The following ARHGEF28 variants were observed in gnomAD, a reference collection of about 807,000 sequenced individuals.
ARHGEF28 encodes Rho guanine nucleotide exchange factor 28.
ARHGEF28 carries 152 observed loss-of-function variants against 206.6 expected under a neutral mutation model. The ratio of observed to expected loss-of-function variants is 0.74; its 90% CI spans 0.64 to 0.84. The LOEUF is 0.84. Ranked by LOEUF, ARHGEF28 falls within the 40% of genes least tolerant of loss-of-function variation. The pLI is 0.00. For missense variants in ARHGEF28, 2,028 were observed against 2,073.2 expected (o/e 0.98, Z 0.42); for synonymous variants, 763 against 776.4 (o/e 0.98, Z 0.29).
chr5:73,893,171 T>A (rs907968062), intron 27 of ARHGEF28, 26 bp from the exon 28 acceptor site: 4 of 1,513,698 alleles, frequency 2.6e-6, no homozygotes, highest in Non-Finnish European at 1.8e-6. Context: ...GTTTCAGTTG[T>A]GTCTCTTGAC....
chr5:73,930,175 A>C (rs1764028706), intron 35 of ARHGEF28, among the ~76,000 whole-genome samples: 1 of 152,178 alleles, frequency 6.6e-6, no homozygotes, highest in Non-Finnish European at 1.5e-5. Flanking sequence ...GCCAGCGATG[A>C]TTGATTTTGC....
At chr5:73,820,992 C>G (rs1292809029) in intron 9 of ARHGEF28, among the ~76,000 whole-genome samples, 3 of 152,154 alleles carry the variant, frequency 2.0e-5, no homozygotes, top group Non-Finnish European at 2.9e-5. Context: ...TAGCCCATAG[C>G]TTATTTCACA....
intron 2 of ARHGEF28, among the ~76,000 whole-genome samples, chr5:73,737,272 C>T (rs573969782): frequency 9.2e-5 from 14 of 151,910 alleles, no homozygotes; most frequent in Non-Finnish European, 1.8e-4. Flanking sequence ...CTTTCTCTCT[C>T]CTGCTCATTT....
At chr5:73,836,138 G>A (rs75728190) in intron 10 of ARHGEF28, among the ~76,000 whole-genome samples, 2,911 of 152,186 alleles carry the variant, frequency 0.019, 99 homozygotes, top group African/African-American at 0.067. Context: ...TTGGGATAGT[G>A]ATTCTGTTTC....
intron 7 of ARHGEF28, among the ~76,000 whole-genome samples, chr5:73,784,607 G>T (rs1020431874): frequency 1.2e-4 from 19 of 152,216 alleles, no homozygotes; most frequent in Middle Eastern, 3.4e-3. Flanking sequence ...GAAAAATAAG[G>T]ATTCTTTGGC....
intron 14 of ARHGEF28, among the ~76,000 whole-genome samples, 162 bp downstream of exon 14, chr5:73,852,854 C>A (rs577424237): frequency 9.2e-5 from 14 of 152,328 alleles, no homozygotes; most frequent in Admixed American, 5.9e-4. Context: ...CAGGATAGAT[C>A]TGCCAGCCCT....
intron 35 of ARHGEF28, among the ~76,000 whole-genome samples, chr5:73,916,250 T>C (rs1438191435): frequency 2.0e-5 from 3 of 152,224 alleles, no homozygotes; most frequent in Non-Finnish European, 2.9e-5. Context: ...CTTACTTGTG[T>C]AATCTATATG....
chr5:73,711,914 T>C (rs1184150971), intron 2 of ARHGEF28, among the ~76,000 whole-genome samples: 5 of 152,032 alleles, frequency 3.3e-5, no homozygotes, highest in African/African-American at 1.2e-4. Context: ...CACTGTTAAG[T>C]ATTAGTTCTA....
chr5:73,940,401 GACC>G (rs1418080655), intron 35 of ARHGEF28, among the ~76,000 whole-genome samples: 6 of 152,094 alleles, frequency 3.9e-5, no homozygotes, highest in African/African-American at 1.2e-4. Flanking sequence ...CCCACCCCTT[GACC>G]ACATCAGTAA....
At chr5:73,741,043 C>A (rs1421173057) in intron 2 of ARHGEF28, among the ~76,000 whole-genome samples, 1 of 151,860 alleles carries the variant, frequency 6.6e-6, no homozygotes. Context: ...TTTCTTATAC[C>A]CAAGCCAGTA....
intron 11 of ARHGEF28, among the ~76,000 whole-genome samples, chr5:73,841,894 GTTTGT>G (rs1404682245): frequency 2.0e-5 from 3 of 151,864 alleles, no homozygotes; most frequent in African/African-American, 7.3e-5. Context: ...GCTCATGAGT[GTTTGT>G]TTTATTTAAC....
chr5:73,780,964 CT>C (rs1662998984), intron 7 of ARHGEF28, among the ~76,000 whole-genome samples: 7 of 152,152 alleles, frequency 4.6e-5, no homozygotes, highest in Admixed American at 4.6e-4. Context: ...GTCCTGAGTG[CT>C]GTTTGCCGGG....
Position 73,909,775 on chromosome 5 carries a change from G to A in ARHGEF28, c.4525G>A (p.Glu1509Lys). The A allele has an allele frequency of 2.0e-6, 3 of 1,515,032 alleles. No homozygotes were observed. The highest frequency in any genetic ancestry group is 2.2e-4 in the Middle Eastern group (1 of 4,540). 93.8% of individuals were successfully genotyped at this position (1,515,032 alleles called of 1,614,324 possible). The change falls in exon 34 of 36, where the codon GAG becomes AAG. Residue 1509 changes from glutamate to lysine, a missense_variant. Physicochemically the swap from Glu to Lys is moderately conservative, Grantham distance 56 (BLOSUM62 1). Around this residue, in one of 3 missense-constraint regions of ARHGEF28, gnomAD observed 803 missense variants for 768.0 expected, o/e 1.05. Transcript: ENST00000513042. ...CCAGCACAGCCTGGAGCGGCTGAGG[G>A]AGGGCCAGCGCCTGGTGGAGAGGGA... The part of the protein sequence containing the change: ...EYQHSLERLR[E>K]GQRLVEREQA...
chr5:73,836,906 T>C (rs1757677439), intron 10 of ARHGEF28, among the ~76,000 whole-genome samples: 1 of 152,318 alleles, frequency 6.6e-6, no homozygotes, highest in South Asian at 2.1e-4. Flanking sequence ...AGTATCATTA[T>C]TGAAGGATCT....
intron 9 of ARHGEF28, among the ~76,000 whole-genome samples, chr5:73,809,169 C>T (rs1035743664): frequency 6.0e-5 from 9 of 151,102 alleles, no homozygotes; most frequent in African/African-American, 2.2e-4. Context: ...CATGTGACTG[C>T]ACTCCAGCCT....
intron 2 of ARHGEF28, among the ~76,000 whole-genome samples, chr5:73,737,908 A>T (rs1405486749): frequency 6.6e-6 from 1 of 152,036 alleles, no homozygotes. Flanking sequence ...CTGCTTCTCT[A>T]GTTTCCATCA....
intron 9 of ARHGEF28, among the ~76,000 whole-genome samples, chr5:73,815,479 T>C (rs373142358): frequency 2.3e-4 from 35 of 152,330 alleles, no homozygotes; most frequent in African/African-American, 8.2e-4. Context: ...GTGAATATTA[T>C]CAGTTCTGGT....
At chr5:73,855,351 T>C (rs2112607145) in intron 14 of ARHGEF28, among the ~76,000 whole-genome samples, 1 of 152,350 alleles carries the variant, frequency 6.6e-6, no homozygotes, top group South Asian at 2.1e-4. Flanking sequence ...GTTTAAGTTT[T>C]CATATTTCAT....
At chr5:73,756,747 T>A (rs1460125658) in intron 4 of ARHGEF28, among the ~76,000 whole-genome samples, 1 of 152,222 alleles carries the variant, frequency 6.6e-6, no homozygotes, top group Non-Finnish European at 1.5e-5. Context: ...AAATTGGGCA[T>A]TTAGATGAAT....
Sources: allele counts gnomAD v4.1 joint callset (sites outside exome capture counted in the v4.1 genomes callset), GRCh38; gene constraint gnomAD v4.1.1; regional missense constraint gnomAD v4.1.1; transcripts MANE v1.5; gene names NCBI Gene and HGNC (gene_info 2026-07-23, HGNC 2026-07-21).